Variants in ZMYM6 observed in about 807,000 individuals in gnomAD.
The protein encoded by ZMYM6 is zinc finger MYM-type containing 6.
In ZMYM6, 90 loss-of-function variants were observed where a neutral mutation model predicts 134.0. The ratio of observed to expected loss-of-function variants is 0.67; its 90% CI spans 0.57 to 0.80. The LOEUF (loss-of-function observed/expected upper bound fraction) is 0.80, where lower values mean the gene tolerates loss of function less well. Among genes scored for constraint, ZMYM6 ranks in the 30% least tolerant of loss-of-function variants. The probability of loss-of-function intolerance (pLI) is 0.00; values close to 1 mark genes in which losing one functional copy is unlikely to be tolerated. For missense variants in ZMYM6, 1,362 were observed against 1,533.9 expected (o/e 0.89, Z 1.87); for synonymous variants, 481 against 524.1 (o/e 0.92, Z 1.12).
At chr1:34,992,928 A>C (rs888482099) in intron 14 of ZMYM6, among the ~76,000 whole-genome samples, 1 of 148,524 alleles carries the variant, frequency 6.7e-6, no homozygotes, top group African/African-American at 2.4e-5. Flanking sequence ...AAGTATGATC[A>C]AAACAATGAA....
At chr1:35,002,739 A>C (rs1383592125) in intron 14 of ZMYM6, among the ~76,000 whole-genome samples, 1 of 152,200 alleles carries the variant, frequency 6.6e-6, no homozygotes, top group African/African-American at 2.4e-5. Flanking sequence ...ATTTTTTATC[A>C]CATCTAACTT....
At chr1:34,992,082 C>T in intron 15 of ZMYM6, 152 bp downstream of exon 15, 1 of 945,744 alleles carries the variant, frequency 1.1e-6, no homozygotes. Flanking sequence ...ATTATGAAAG[C>T]AATAAATTAA....
At chr1:35,013,621 C>T in intron 6 of ZMYM6, 1 of 985,302 alleles carries the variant, frequency 1.0e-6, no homozygotes, top group Non-Finnish European at 1.2e-6. Flanking sequence ...TCAAAGGAAG[C>T]AACAAATCAA....
rs1436622884 is a variant in ZMYM6, at chr1:35,007,060, T to A, written c.1704A>T (p.Leu568=). The part of the protein sequence containing the change: ...KCDGCKRQGK[L]SESIKWRGNI... ...TGCCTCGCCACTTTATGGACTCGCT[T>A]AGTTTACCCTGTCGTTTACAACCAT... Residue 568 remains leucine, a synonymous_variant, in exon 12 of 16, where the codon CTA becomes CTT. Transcript: ENST00000357182. The A allele has an allele frequency of 6.2e-7, 1 of 1,610,050 alleles. No homozygotes were observed. Among genetic ancestry groups the A allele is most frequent in the Non-Finnish European group, 8.5e-7 (1 of 1,178,158 alleles).
chr1:35,027,968 G>A (rs1201526773), intron 2 of ZMYM6, among the ~76,000 whole-genome samples: 1 of 152,030 alleles, frequency 6.6e-6, no homozygotes, highest in East Asian at 1.9e-4. Context: ...CTCTAGCAAG[G>A]CATAGAGTTC....
intron 2 of ZMYM6, among the ~76,000 whole-genome samples, chr1:35,021,606 C>T (rs1353605500): frequency 2.7e-5 from 4 of 150,442 alleles, no homozygotes; most frequent in Non-Finnish European, 5.9e-5. Context: ...GGCAACAGAG[C>T]GAGCCTCTGC....
At position 34,986,753 on chromosome 1, in the gene ZMYM6, G is replaced by T. The variant is rs1640585303; in HGVS notation, c.*351C>A. ...TTTCCACCTACTCACAACCTTGCAG[G>T]GGTAAGTAGCTGGTTGGCTAGAAGA... On this transcript the variant is annotated 3_prime_UTR_variant, in exon 16 of 16. Transcript: ENST00000357182. 1 of 158,112 alleles carries T rather than the reference G, an allele frequency of 6.3e-6. No homozygotes were observed. Among genetic ancestry groups the T allele is most frequent in the Non-Finnish European group, 1.4e-5 (1 of 72,264 alleles). The allele number at this position is 158,112 out of a possible 1,614,324, so 9.8% of individuals were successfully genotyped here.
At chr1:35,003,795 G>A in intron 14 of ZMYM6, 173 bp downstream of exon 14, 2 of 580,266 alleles carry the variant, frequency 3.4e-6, no homozygotes, top group Non-Finnish European at 6.2e-6. Flanking sequence ...GCCGAAATAT[G>A]GTCAAAAGCC....
chr1:34,996,546 T>C (rs1425061986), intron 14 of ZMYM6, among the ~76,000 whole-genome samples: 4 of 152,224 alleles, frequency 2.6e-5, no homozygotes, highest in Non-Finnish European at 5.9e-5. Flanking sequence ...CTTCCAGGGA[T>C]AGTCTATACA....
Position 35,007,078 on chromosome 1 carries a change from A to T in ZMYM6, c.1686T>A (p.Cys562Ter). 6.2e-7 allele frequency: 1 copy of T among 1,603,564 alleles called. No homozygotes were observed. The highest frequency in any genetic ancestry group is 8.5e-7 in the Non-Finnish European group (1 of 1,175,014). Residue 562 changes from cysteine (C) to a stop codon, truncating the protein, a stop_gained, in exon 12 of 16, where the codon TGT (cysteine) becomes TGA (stop). Coordinates refer to ENST00000357182, the MANE Select transcript of ZMYM6 (RefSeq NM_007167.4). LOFTEE classifies it high-confidence loss of function. ...ACTCGCTTAGTTTACCCTGTCGTTT[A>T]CAACCATCACACTTGGCCATCTGAA... is the stretch of plus-strand genomic sequence containing the variant. ...LFYQMAKCDG[C>*]KRQGKLSESI...
intron 14 of ZMYM6, among the ~76,000 whole-genome samples, chr1:34,996,938 G>A (rs1640795951): frequency 6.6e-6 from 1 of 152,156 alleles, no homozygotes; most frequent in South Asian, 2.1e-4. Flanking sequence ...AAATTAGGTT[G>A]TTTTCAAGCT....
chr1:35,017,004 CAA>C (rs747264286), intron 4 of ZMYM6, among the ~76,000 whole-genome samples: 17 of 113,990 alleles, frequency 1.5e-4, no homozygotes, highest in Admixed American at 3.7e-4. Context: ...GACCGTGTCT[CAA>C]AAAAAAAAAA....
At position 35,012,538 on chromosome 1, in the gene ZMYM6, C is replaced by T. The variant is rs574713128; in HGVS notation, c.839G>A (p.Arg280Lys). 102 of 1,613,396 alleles carry T rather than the reference C, an allele frequency of 6.3e-5. 1 individual carries two copies. The South Asian group carries it at 8.9e-4, about 14-fold the overall frequency. Residue 280 changes from arginine (R) to lysine (K), a missense_variant, in exon 7 of 16, where the codon AGG becomes AAG. Around this residue, in one of 3 missense-constraint regions of ZMYM6, gnomAD observed 503 missense variants for 520.8 expected, o/e 0.97. Coordinates refer to ENST00000357182, the MANE Select transcript of ZMYM6 (RefSeq NM_007167.4). ...AGTCTCAATCATTTCAGCTGAGGGC[C>T]TCAATGACTTCCCCAGGGCATATGG... Reference protein sequence around the residue: ...IPPYALGKSLRPSAEMIETTN... With the variant: ...IPPYALGKSLKPSAEMIETTN...
chr1:35,010,194 G>GT (rs1641059932), intron 10 of ZMYM6, among the ~76,000 whole-genome samples: 1 of 151,564 alleles, frequency 6.6e-6, no homozygotes, highest in African/African-American at 2.4e-5. Flanking sequence ...TAGAGACGGT[G>GT]TTTTTTAACA....
chr1:35,020,570 T>C, intron 2 of ZMYM6, 103 bp from the exon 3 acceptor site: 5 of 267,926 alleles, frequency 1.9e-5, no homozygotes, highest in Non-Finnish European at 2.7e-5. Flanking sequence ...TTCATCTCCT[T>C]TTTTTTTTTT....
At chr1:35,012,765 C>G (rs34457638) in intron 6 of ZMYM6, 184 bp from the exon 7 acceptor site, 1 of 985,342 alleles carries the variant, frequency 1.0e-6, no homozygotes, top group Non-Finnish European at 1.2e-6. Flanking sequence ...AAAATAGAAA[C>G]TGAAGAAAAT....
chr1:35,012,491 C>G lies in ZMYM6; in HGVS notation c.886G>C (p.Glu296Gln), dbSNP rs1156939513. Residue 296 changes from glutamate to glutamine, a missense_variant, in exon 7 of 16, where the codon GAG becomes CAG. This residue lies in a region of ZMYM6 where 503 missense variants were observed against 520.8 expected (regional missense o/e 0.97). Coordinates refer to ENST00000357182, the MANE Select transcript of ZMYM6 (RefSeq NM_007167.4). The part of the protein sequence containing the change: ...IETTNDSGKT[E>Q]LFCSINCLSA... The stretch of plus-strand genomic sequence containing the variant: ...AAGCAATTAATAGAGCAGAAAAGCT[C>G]TGTTTTTCCTGAATCATTTGTAGTC... The G allele has an allele frequency of 8.1e-6, 13 of 1,612,840 alleles. No homozygotes were observed. The highest frequency in any genetic ancestry group is 1.3e-5 in the African/African-American group (1 of 74,880).
At position 34,987,328 on chromosome 1, in the gene ZMYM6, A is replaced by G; in HGVS notation, c.3754T>C (p.Ser1252Pro). 6.2e-7 allele frequency: 1 copy of G among 1,612,698 alleles called. No homozygotes were observed. The highest frequency in any genetic ancestry group is 1.3e-5 in the African/African-American group (1 of 74,962). ...GCATTTATCCAAAACTGAGTTACAG[A>G]CACTGATTTAAATAGTGCTTGTAAT... ...LGLQALFKSV[S>P]VTQFWINAKT... Residue 1252 changes from serine (S) to proline (P), a missense_variant, in exon 16 of 16, where the codon TCT (serine) becomes CCT (proline). Ser to Pro is a moderately conservative substitution (Grantham distance 74, BLOSUM62 -1). Around this residue, in one of 3 missense-constraint regions of ZMYM6, gnomAD observed 824 missense variants for 940.9 expected, o/e 0.88. Transcript: ENST00000357182.
intron 14 of ZMYM6, among the ~76,000 whole-genome samples, chr1:35,002,609 G>A (rs1231293067): frequency 6.6e-6 from 1 of 152,104 alleles, no homozygotes; most frequent in Non-Finnish European, 1.5e-5. Flanking sequence ...TGAACTAAGA[G>A]GCATACCTGC....
Sources: allele counts gnomAD v4.1 joint callset (sites outside exome capture counted in the v4.1 genomes callset), GRCh38; gene constraint gnomAD v4.1.1; regional missense constraint gnomAD v4.1.1; transcripts MANE v1.5; gene names NCBI Gene and HGNC (gene_info 2026-07-23, HGNC 2026-07-21).